Variants in FANCL observed in about 807,000 individuals in gnomAD.
FANCL encodes FA complementation group L, also known as E3 ubiquitin-protein ligase FANCL.
In FANCL, 69 loss-of-function variants were observed where a neutral mutation model predicts 59.4. The ratio of observed to expected loss-of-function variants is 1.16; its 90% confidence interval spans 0.96 to 1.42. The LOEUF is 1.42. Ranked by LOEUF, FANCL falls within the 40% of genes most tolerant of loss-of-function variation. FANCL has a pLI of 0.00. For missense variants in FANCL, 519 were observed against 447.2 expected (o/e 1.16, Z -1.45); for synonymous variants, 180 against 147.1 (o/e 1.22, Z -1.62).
chr2:58,165,423 G>A (rs1399303204), intron 8 of FANCL, among the ~76,000 whole-genome samples: 1 of 152,098 alleles, frequency 6.6e-6, no homozygotes, highest in South Asian at 2.1e-4. Context: ...CTTGTTCTAA[G>A]TAATGTAAAT....
intron 7 of FANCL, among the ~76,000 whole-genome samples, chr2:58,197,988 T>C (rs1689596456): frequency 6.6e-6 from 1 of 152,140 alleles, no homozygotes; most frequent in Admixed American, 6.5e-5. Flanking sequence ...TGCTTCTGCA[T>C]GTTTACTGAA....
Position 58,217,354 on chromosome 2 carries a change from C to A in FANCL, c.374+4588G>T, listed in dbSNP as rs576391356. Among the ~76,000 whole-genome samples, 4 of 150,454 alleles carry A rather than the reference C, an allele frequency of 2.7e-5. No individual in the cohort carries two copies. The East Asian group carries it at 7.8e-4, about 29-fold the overall frequency. On this transcript the variant is annotated intron_variant, in intron 5 of 13. Transcript: ENST00000233741. ...ATCAAGGTGTCAGCAAAGATGTGCTCCCTCTGGAGGCTCTAGGAGAGAATC... is the reference window on the plus strand; with the variant it reads ...ATCAAGGTGTCAGCAAAGATGTGCTACCTCTGGAGGCTCTAGGAGAGAATC...
chr2:58,190,347 G>A (rs1409220527), intron 7 of FANCL, among the ~76,000 whole-genome samples: 5 of 151,660 alleles, frequency 3.3e-5, no homozygotes, highest in South Asian at 4.1e-4. Context: ...CCATCACAGA[G>A]TAACTATAGC....
intron 5 of FANCL, among the ~76,000 whole-genome samples, chr2:58,220,471 A>C (rs1692364019): frequency 6.6e-6 from 1 of 152,254 alleles, no homozygotes; most frequent in Non-Finnish European, 1.5e-5. Context: ...GGGAAGTAGA[A>C]GGCAAAGGCA....
In FANCL at chr2:58,159,674, T is replaced by C; in HGVS notation, c.*91A>G. ...CCTGTCCTTTTGATGTTAGTATTTCTTGCTTTATTTTTTCTCTGAAGATGA... is the reference window on the plus strand; with the variant it reads ...CCTGTCCTTTTGATGTTAGTATTTCCTGCTTTATTTTTTCTCTGAAGATGA... On this transcript the variant is annotated 3_prime_UTR_variant, in exon 14 of 14. Coordinates refer to ENST00000233741, the MANE Select transcript of FANCL (RefSeq NM_018062.4). 3 of 1,612,778 alleles carry C rather than the reference T, an allele frequency of 1.9e-6. No individual in the cohort carries two copies. The highest frequency in any genetic ancestry group is 2.2e-5 in the East Asian group (1 of 44,858).
At chr2:58,228,528 T>C (rs1248360398) in intron 3 of FANCL, among the ~76,000 whole-genome samples, 1 of 152,232 alleles carries the variant, frequency 6.6e-6, no homozygotes, top group Non-Finnish European at 1.5e-5. Context: ...TATTGGCATG[T>C]AGCCATACAC....
chr2:58,173,670 C>G (rs562055423), intron 7 of FANCL, among the ~76,000 whole-genome samples: 3 of 152,056 alleles, frequency 2.0e-5, no homozygotes, highest in Non-Finnish European at 4.4e-5. Flanking sequence ...CGGTACCAGC[C>G]GCTGCAAAAT....
intron 7 of FANCL, among the ~76,000 whole-genome samples, chr2:58,168,786 G>C (rs1187910275): frequency 6.6e-6 from 1 of 152,064 alleles, no homozygotes; most frequent in Non-Finnish European, 1.5e-5. Context: ...CCATTACTGA[G>C]GCTTGAGTAC....
chr2:58,193,328 A>T (rs1573652003), intron 7 of FANCL, among the ~76,000 whole-genome samples: 1 of 152,114 alleles, frequency 6.6e-6, no homozygotes. Context: ...CCTAAATAAA[A>T]GCATTAATGG....
intron 5 of FANCL, chr2:58,213,362 T>C (rs1691371496): frequency 6.6e-6 from 1 of 152,198 alleles, no homozygotes; most frequent in African/African-American, 2.4e-5. Context: ...ATTTTATCAG[T>C]GTATGTGTGT....
chr2:58,204,652 C>A (rs529616392), intron 5 of FANCL, among the ~76,000 whole-genome samples: 1 of 152,206 alleles, frequency 6.6e-6, no homozygotes, highest in East Asian at 1.9e-4. Flanking sequence ...CAATGAACTT[C>A]TCCTATATTA....
At chr2:58,192,415 G>T (rs1689013634) in intron 7 of FANCL, among the ~76,000 whole-genome samples, 1 of 151,816 alleles carries the variant, frequency 6.6e-6, no homozygotes, top group Non-Finnish European at 1.5e-5. Context: ...GAGGTTGAAT[G>T]AGTTATAACA....
chr2:58,221,328 C>T (rs767602826), intron 5 of FANCL, among the ~76,000 whole-genome samples: 1 of 152,072 alleles, frequency 6.6e-6, no homozygotes, highest in Admixed American at 6.6e-5. Context: ...AATTCAGAAA[C>T]TGAATAGCAA....
intron 7 of FANCL, among the ~76,000 whole-genome samples, chr2:58,186,605 G>A (rs192684703): frequency 1.3e-5 from 2 of 152,334 alleles, no homozygotes; most frequent in East Asian, 3.9e-4. Context: ...GAATGCAAGA[G>A]CATTTTTTTC....
At chr2:58,224,627 C>A (rs1558816824) in intron 4 of FANCL, among the ~76,000 whole-genome samples, 1 of 151,722 alleles carries the variant, frequency 6.6e-6, no homozygotes, top group Non-Finnish European at 1.5e-5. Flanking sequence ...ATGGTCTCAA[C>A]AAGGATCACA....
intron 7 of FANCL, among the ~76,000 whole-genome samples, chr2:58,176,988 C>A (rs1054391427): frequency 4.6e-5 from 7 of 152,156 alleles, no homozygotes; most frequent in Admixed American, 2.6e-4. Context: ...ACAGACACTT[C>A]TCAAAAGAAG....
intron 5 of FANCL, among the ~76,000 whole-genome samples, chr2:58,219,174 ATATATATATAT>A (rs1692209291): frequency 3.1e-5 from 2 of 63,964 alleles, no homozygotes; most frequent in African/African-American, 1.2e-4. Context: ...AAAAAAAAAT[ATATATATATAT>A]ATATATATAT....
At chr2:58,183,235 T>C (rs1361997893) in intron 7 of FANCL, among the ~76,000 whole-genome samples, 1 of 151,750 alleles carries the variant, frequency 6.6e-6, no homozygotes. Flanking sequence ...CATAATTCCC[T>C]AAAAAGTATA....
At chr2:58,174,785 A>C (rs79578884) in intron 7 of FANCL, among the ~76,000 whole-genome samples, 2,377 of 152,278 alleles carry the variant, frequency 0.016, 27 homozygotes, top group Non-Finnish European at 0.026. Flanking sequence ...AAATAACTAA[A>C]ACCAGAGCAG....
Sources: allele counts gnomAD v4.1 joint callset (sites outside exome capture counted in the v4.1 genomes callset), GRCh38; gene constraint gnomAD v4.1.1; transcripts MANE v1.5; gene names NCBI Gene and HGNC (gene_info 2026-07-23, HGNC 2026-07-21).